The following DPY19L3 variants were observed in gnomAD, a reference collection of about 807,000 sequenced individuals.
DPY19L3 encodes the protein dpy-19 like C-mannosyltransferase 3.
In DPY19L3, 51 loss-of-function variants were observed where a neutral mutation model predicts 92.3. That is an observed-to-expected ratio of 0.55 (90% CI 0.44 to 0.70). The LOEUF is 0.70. DPY19L3 is among the 30% of genes least tolerant of loss of function. The probability of loss-of-function intolerance (pLI) is 0.00; values close to 1 mark genes in which losing one functional copy is unlikely to be tolerated. For missense variants in DPY19L3, 706 were observed against 855.9 expected, an observed-to-expected ratio of 0.82 and a Z score of 2.18; for synonymous variants, 309 against 315.2, an observed-to-expected ratio of 0.98 and a Z score of 0.21.
intron 8 of DPY19L3, among the ~76,000 whole-genome samples, chr19:32,440,950 A>T (rs1235424161): frequency 1.3e-5 from 2 of 152,004 alleles, no homozygotes; most frequent in Non-Finnish European, 2.9e-5. Flanking sequence ...GCAGAATAGG[A>T]AGGTGGAATG....
chr19:32,477,571 G>T lies in DPY19L3; in HGVS notation c.1747G>T (p.Ala583Ser), dbSNP rs1399805177. ...GTTTGCGGGAAGCATGCAGTTGCTG[G>T]CCGGAGTCAAGCTGTGCACGGGAAG... ...AVFAGSMQLLAGVKLCTGRTL... is the reference protein window; with the variant it reads ...AVFAGSMQLLSGVKLCTGRTL... The change falls in exon 17 of 19, where the codon GCC becomes TCC. Residue 583 changes from alanine to serine, a missense_variant. Physicochemically the swap from Ala to Ser is moderately conservative, Grantham distance 99. Coordinates refer to ENST00000392250, the MANE Select transcript of DPY19L3 (RefSeq NM_001172774.2). 26 of 1,614,002 alleles carry T rather than the reference G, an allele frequency of 1.6e-5. No individual in the cohort carries two copies. Among genetic ancestry groups the T allele is most frequent in the Non-Finnish European group, 2.2e-5 (26 of 1,180,040 alleles).
chr19:32,438,886 A>G, intron 6 of DPY19L3: 1 of 421,850 alleles, frequency 2.4e-6, no homozygotes, highest in Non-Finnish European at 4.2e-6. Context: ...CTAGGTGCTA[A>G]GGGCATACCC....
At chr19:32,453,065 T>C (rs1352102538) in intron 8 of DPY19L3, 80 bp from the exon 9 acceptor site, 1 of 1,510,544 alleles carries the variant, frequency 6.6e-7, no homozygotes, top group African/African-American at 1.4e-5. Flanking sequence ...CTGAGGTGTA[T>C]CCACCTCATG....
At chr19:32,464,833 A>G in intron 15 of DPY19L3, 49 bp downstream of exon 15, 1 of 1,263,416 alleles carries the variant, frequency 7.9e-7, no homozygotes, top group South Asian at 1.6e-5. Flanking sequence ...TAGCAGAATA[A>G]TTGCTTTGAT....
chr19:32,439,090 AT>A, intron 6 of DPY19L3, 21 bp from the exon 7 acceptor site: 1 of 1,587,652 alleles, frequency 6.3e-7, no homozygotes, highest in Non-Finnish European at 8.6e-7. Flanking sequence ...CACTTTGGCC[AT>A]TTGTGTTTTC....
intron 16 of DPY19L3, among the ~76,000 whole-genome samples, chr19:32,476,147 G>A (rs867788245): frequency 1.3e-5 from 2 of 152,136 alleles, no homozygotes; most frequent in Admixed American, 6.5e-5. Flanking sequence ...CATTCACGCT[G>A]GAGTCTTAGC....
intron 3 of DPY19L3, among the ~76,000 whole-genome samples, chr19:32,429,094 G>A (rs935701245): frequency 1.1e-4 from 16 of 152,182 alleles, no homozygotes; most frequent in South Asian, 1.0e-3. Flanking sequence ...GGATCCACCC[G>A]CCTCAGCCTC....
chr19:32,477,356 T>G (rs1362391540), intron 16 of DPY19L3, 166 bp from the exon 17 acceptor site: 1 of 792,820 alleles, frequency 1.3e-6, no homozygotes, highest in Non-Finnish European at 1.9e-6. Flanking sequence ...TTGCACTCAA[T>G]AGTTTGAGTA....
Position 32,468,762 on chromosome 19 carries a change from A to C in DPY19L3, c.1646A>C (p.Glu549Ala). The C allele has an allele frequency of 6.2e-7, 1 of 1,613,910 alleles. No homozygotes were observed. The highest frequency in any genetic ancestry group is 1.3e-5 in the African/African-American group (1 of 74,996). The change falls in exon 16 of 19, where the codon GAG becomes GCG. Residue 549 changes from glutamate (E) to alanine (A), a missense_variant. Coordinates refer to ENST00000392250, the MANE Select transcript of DPY19L3 (RefSeq NM_001172774.2). ...CCAGGAATGATGGATGAACTCTCCG[A>C]GTTGAGAGAATTCTATGATCCAGAT... ...FWPGMMDELS[E>A]LREFYDPDTV...
chr19:32,437,866 A>G lies in DPY19L3; in HGVS notation c.596+527A>G, dbSNP rs1480509830. On this transcript the variant is annotated intron_variant, in intron 6 of 18. Transcript: ENST00000392250. ...TGTTTTTGTTTTTTGTAGAGACAGG[A>G]TCTCCCTATGTTGCCCAGGCTGGTC... 5.9e-5 allele frequency among the ~76,000 whole-genome samples: 9 copies of G among 151,922 alleles called. No individual in the cohort carries two copies. The South Asian group carries it at 1.9e-3, about 32-fold the overall frequency.
intron 4 of DPY19L3, among the ~76,000 whole-genome samples, chr19:32,435,020 G>T (rs1969093339): frequency 1.3e-5 from 2 of 152,148 alleles, no homozygotes; most frequent in Admixed American, 1.3e-4. Flanking sequence ...AAACAACAGA[G>T]ATTTTTCTCT....
intron 2 of DPY19L3, among the ~76,000 whole-genome samples, chr19:32,410,366 G>C (rs1968135864): frequency 6.6e-6 from 1 of 152,104 alleles, no homozygotes; most frequent in Non-Finnish European, 1.5e-5. Context: ...TTTCTTATAT[G>C]TGCTATCCAT....
intron 9 of DPY19L3, 99 bp downstream of exon 9, chr19:32,453,375 A>G (rs1969768706): frequency 2.4e-6 from 3 of 1,270,750 alleles, no homozygotes; most frequent in Admixed American, 5.8e-5. Flanking sequence ...GAAATTTACA[A>G]CCTGATTTGC....
intron 17 of DPY19L3, among the ~76,000 whole-genome samples, chr19:32,479,321 C>T (rs1277525526): frequency 6.6e-6 from 1 of 151,982 alleles, no homozygotes; most frequent in Non-Finnish European, 1.5e-5. Flanking sequence ...TCAGGGGTGG[C>T]CTCTACTGCT....
intron 8 of DPY19L3, among the ~76,000 whole-genome samples, chr19:32,445,828 C>G (rs1443820779): frequency 1.3e-5 from 2 of 151,994 alleles, no homozygotes; most frequent in African/African-American, 2.4e-5. Flanking sequence ...TGGCGAAACC[C>G]CATCTCTACT....
chr19:32,406,757 C>G (rs1967968628), intron 1 of DPY19L3, among the ~76,000 whole-genome samples: 1 of 152,288 alleles, frequency 6.6e-6, no homozygotes, highest in South Asian at 2.1e-4. Context: ...GTTCATGGGA[C>G]TGTTGCAGTG....
intron 4 of DPY19L3, among the ~76,000 whole-genome samples, chr19:32,433,296 C>G (rs1969029087): frequency 6.6e-6 from 1 of 152,212 alleles, no homozygotes; most frequent in African/African-American, 2.4e-5. Context: ...CAACATGGAT[C>G]TCTTCTACCT....
intron 3 of DPY19L3, 77 bp downstream of exon 3, chr19:32,411,449 G>T: frequency 6.6e-7 from 1 of 1,516,252 alleles, no homozygotes; most frequent in Non-Finnish European, 9.1e-7. Context: ...GAATGACCAA[G>T]GCAACACAGT....
At chr19:32,420,433 T>G (rs964577226) in intron 3 of DPY19L3, among the ~76,000 whole-genome samples, 4 of 151,012 alleles carry the variant, frequency 2.6e-5, no homozygotes, top group East Asian at 3.9e-4. Context: ...GATTTTTGTT[T>G]AGTAGTTTTG....
Sources: allele counts gnomAD v4.1 joint callset (sites outside exome capture counted in the v4.1 genomes callset), GRCh38; gene constraint gnomAD v4.1.1; transcripts MANE v1.5; gene names NCBI Gene and HGNC (gene_info 2026-07-23, HGNC 2026-07-21).